The following LDAH variants were observed in gnomAD, a reference collection of about 807,000 sequenced individuals.
LDAH encodes the protein lipid droplet associated hydrolase, also known as lipid droplet-associated hydrolase.
A neutral mutation model predicts 29.6 loss-of-function variants in LDAH; 26 were observed. The observed-to-expected ratio is 0.88, with a 90% confidence interval of 0.64 to 1.22. The LOEUF (loss-of-function observed/expected upper bound fraction) is 1.22. LDAH is among the 50% of genes most tolerant of loss of function. The probability of loss-of-function intolerance (pLI) is 0.00; values close to 1 mark genes in which losing one functional copy is unlikely to be tolerated. For missense variants in LDAH, 344 were observed against 387.3 expected (o/e 0.89, Z 0.94); for synonymous variants, 117 against 133.0 (o/e 0.88, Z 0.83).
At chr2:20,731,571 G>A (rs575735376) in intron 5 of LDAH, among the ~76,000 whole-genome samples, 14 of 152,248 alleles carry the variant, frequency 9.2e-5, no homozygotes, top group Admixed American at 2.6e-4. Context: ...CATGAACACA[G>A]TATGTCTCTC....
intron 5 of LDAH, among the ~76,000 whole-genome samples, chr2:20,711,963 C>G (rs1250471077): frequency 6.6e-6 from 1 of 152,258 alleles, no homozygotes; most frequent in African/African-American, 2.4e-5. Context: ...CAGGGCATAG[C>G]TGAACAAAAG....
At chr2:20,731,636 T>C (rs1356962109) in intron 5 of LDAH, among the ~76,000 whole-genome samples, 1 of 152,190 alleles carries the variant, frequency 6.6e-6, no homozygotes, top group Non-Finnish European at 1.5e-5. Flanking sequence ...TTTCAGCATA[T>C]AATTATGTAT....
At chr2:20,816,681 T>C (rs1339707679) in intron 1 of LDAH, among the ~76,000 whole-genome samples, 2 of 151,704 alleles carry the variant, frequency 1.3e-5, no homozygotes, top group African/African-American at 4.8e-5. Context: ...TATTAGACGA[T>C]CAAGAAGACA....
At chr2:20,768,628 C>A (rs559547056) in intron 4 of LDAH, among the ~76,000 whole-genome samples, 2 of 152,194 alleles carry the variant, frequency 1.3e-5, no homozygotes, top group Non-Finnish European at 2.9e-5. Context: ...GTCGGTGGAA[C>A]GAGCCCAGTG....
intron 5 of LDAH, among the ~76,000 whole-genome samples, chr2:20,730,885 C>T (rs763631020): frequency 1.3e-5 from 2 of 152,212 alleles, no homozygotes; most frequent in Non-Finnish European, 2.9e-5. Flanking sequence ...GTTCTCTTCT[C>T]TGTTCCATTG....
At chr2:20,790,768 T>A (rs1670891877) in intron 2 of LDAH, among the ~76,000 whole-genome samples, 1 of 152,216 alleles carries the variant, frequency 6.6e-6, no homozygotes, top group Non-Finnish European at 1.5e-5. Context: ...TTGTCACTTA[T>A]CACTAGCACT....
intron 2 of LDAH, among the ~76,000 whole-genome samples, chr2:20,799,695 C>G (rs1671537019): frequency 6.6e-6 from 1 of 152,106 alleles, no homozygotes; most frequent in Non-Finnish European, 1.5e-5. Flanking sequence ...CCCTTCCCAG[C>G]CTTTAGTATC....
intron 1 of LDAH, among the ~76,000 whole-genome samples, chr2:20,805,472 T>C (rs1672000328): frequency 6.6e-6 from 1 of 152,180 alleles, no homozygotes; most frequent in Admixed American, 6.5e-5. Flanking sequence ...GAATCCAAGG[T>C]AGTTCAGTTC....
intron 4 of LDAH, among the ~76,000 whole-genome samples, chr2:20,752,924 T>C (rs1349254585): frequency 1.3e-5 from 2 of 152,188 alleles, no homozygotes; most frequent in East Asian, 3.8e-4. Flanking sequence ...AGCTACATGA[T>C]TTGAGCTTGC....
intron 2 of LDAH, among the ~76,000 whole-genome samples, chr2:20,797,776 AAAAAGAAAAG>A (rs900332857): frequency 1.3e-5 from 2 of 152,228 alleles, no homozygotes; most frequent in Non-Finnish European, 2.9e-5. Flanking sequence ...TGCAAAAACA[AAAAAGAAAAG>A]AAAAGAAAAT....
intron 1 of LDAH, among the ~76,000 whole-genome samples, chr2:20,812,815 A>G (rs1319428260): frequency 1.3e-5 from 2 of 152,250 alleles, no homozygotes; most frequent in Non-Finnish European, 2.9e-5. Flanking sequence ...CCAAGGCAAC[A>G]GTAAGAACTA....
chr2:20,742,406 C>A (rs1667243511), intron 4 of LDAH, among the ~76,000 whole-genome samples: 1 of 152,168 alleles, frequency 6.6e-6, no homozygotes, highest in Non-Finnish European at 1.5e-5. Flanking sequence ...TTGAAATCTC[C>A]AACTATGATA....
chr2:20,795,066 T>A lies in LDAH; in HGVS notation c.155-4668A>T, dbSNP rs150092398. ...TATGGGAGAGGTCCAGGTGTAAGGA[T>A]GTTGGAAAACATTCCAATGCAGACA... On this transcript the variant is annotated intron_variant, in intron 2 of 6. Transcript: ENST00000237822. 5.0e-3 allele frequency among the ~76,000 whole-genome samples: 766 copies of A among 152,332 alleles called. 7 individuals carry two copies. Among genetic ancestry groups the A allele is most frequent in the African/African-American group, 0.018 (728 of 41,576 alleles).
chr2:20,743,311 C>CTTT lies in LDAH; in HGVS notation c.469-3109_469-3107dup, dbSNP rs56001378. The stretch of plus-strand genomic sequence containing the variant: ...TCCATTTACAACTAGTCCAAGTCCA[C>CTTT]TTTTTTTTTTTTTTTTATTATACTT... On this transcript the variant is annotated intron_variant, in intron 4 of 6. Transcript: ENST00000237822. 1.6e-3 allele frequency among the ~76,000 whole-genome samples: 223 copies of CTTT among 136,028 alleles called. 4 individuals are homozygous for CTTT. The South Asian group carries it at 0.039, about 24-fold the overall frequency. The allele number at this position is 136,028 out of a possible 152,430, so 89.2% of individuals were successfully genotyped here.
At chr2:20,750,157 C>G (rs1667874734) in intron 4 of LDAH, among the ~76,000 whole-genome samples, 1 of 151,878 alleles carries the variant, frequency 6.6e-6, no homozygotes, top group Admixed American at 6.6e-5. Context: ...TCCGTAGTAG[C>G]TGGGATTGCA....
chr2:20,802,611 T>G (rs1339490333), intron 1 of LDAH, among the ~76,000 whole-genome samples: 1 of 152,146 alleles, frequency 6.6e-6, no homozygotes, highest in Non-Finnish European at 1.5e-5. Flanking sequence ...CTCAAAGCAC[T>G]CCAGAGTTAA....
intron 3 of LDAH, among the ~76,000 whole-genome samples, chr2:20,776,223 T>G (rs474248): frequency 0.027 from 4,159 of 152,212 alleles, 185 homozygotes; most frequent in African/African-American, 0.095. Context: ...GTTTTGTTTG[T>G]ATATGGTTTT....
chr2:20,729,197 T>G (rs951702317), intron 5 of LDAH, among the ~76,000 whole-genome samples: 2 of 143,980 alleles, frequency 1.4e-5, no homozygotes, highest in African/African-American at 4.9e-5. Context: ...ATTATTGCAA[T>G]TAAAAGGAAG....
chr2:20,777,735 T>C (rs1669922041), intron 3 of LDAH, among the ~76,000 whole-genome samples: 1 of 152,166 alleles, frequency 6.6e-6, no homozygotes, highest in Non-Finnish European at 1.5e-5. Flanking sequence ...TACTAGTAAA[T>C]AAAATTCTAG....
Sources: gnomAD v4.1 joint callset for allele counts (sites outside exome capture counted in the v4.1 genomes callset) on GRCh38, gnomAD v4.1.1 for gene constraint, MANE v1.5 for transcripts, NCBI Gene and HGNC (gene_info 2026-07-23, HGNC 2026-07-21) for gene names.